The following MYRIP variants were observed in gnomAD, a reference collection of about 807,000 sequenced individuals.
MYRIP encodes rab effector MyRIP.
Under a neutral mutation model 98.0 loss-of-function variants are expected in MYRIP, and 49 were observed. That is an observed-to-expected ratio of 0.50 (90% confidence interval 0.40 to 0.63). The LOEUF is 0.63. Ranked by LOEUF, MYRIP falls within the 30% of genes least tolerant of loss-of-function variation. The pLI, the probability that MYRIP is intolerant of heterozygous loss-of-function variation, is 0.00. For missense variants in MYRIP, 1,004 were observed against 1,058.2 expected, an observed-to-expected ratio of 0.95 and a Z score of 0.71; for synonymous variants, 404 against 409.5, an observed-to-expected ratio of 0.99 and a Z score of 0.16.
At chr3:40,025,633 C>T (rs370521104) in intron 2 of MYRIP, among the ~76,000 whole-genome samples, 8 of 152,104 alleles carry the variant, frequency 5.3e-5, no homozygotes, top group South Asian at 2.1e-4. Context: ...CCCTAAGTGT[C>T]GGCTGGTCTG....
chr3:39,965,509 G>A (rs892597041), intron 2 of MYRIP, among the ~76,000 whole-genome samples: 6 of 152,072 alleles, frequency 3.9e-5, no homozygotes, highest in Non-Finnish European at 4.4e-5. Flanking sequence ...GATCTTCCTA[G>A]TAGATATTTT....
intron 11 of MYRIP, among the ~76,000 whole-genome samples, chr3:40,216,534 C>T (rs1280930618): frequency 1.3e-5 from 2 of 152,166 alleles, no homozygotes; most frequent in Admixed American, 1.3e-4. Context: ...CTAAATTCCA[C>T]AACATTAAGA....
intron 10 of MYRIP, among the ~76,000 whole-genome samples, chr3:40,203,982 TA>T (rs1951677830): frequency 1.2e-3 from 2 of 1,726 alleles, no homozygotes; most frequent in African/African-American, 3.1e-3. Context: ...ATATTATATA[TA>T]ATATATATTA....
intron 9 of MYRIP, among the ~76,000 whole-genome samples, chr3:40,188,297 G>C (rs1052637354): frequency 2.6e-5 from 4 of 152,186 alleles, no homozygotes; most frequent in Non-Finnish European, 4.4e-5. Context: ...TAGAAAACCT[G>C]TGTGTTTTAA....
intron 2 of MYRIP, among the ~76,000 whole-genome samples, chr3:39,974,358 T>A (rs1945686586): frequency 6.6e-6 from 1 of 152,196 alleles, no homozygotes; most frequent in Non-Finnish European, 1.5e-5. Context: ...CAGGAGGAAG[T>A]CGAATCTCTG....
chr3:39,953,252 A>C (rs1276610279), intron 2 of MYRIP, among the ~76,000 whole-genome samples: 3 of 152,122 alleles, frequency 2.0e-5, no homozygotes, highest in Non-Finnish European at 2.9e-5. Context: ...ACAGACTTCC[A>C]CTGAGGTTCA....
intron 2 of MYRIP, among the ~76,000 whole-genome samples, chr3:39,959,637 C>T (rs559587914): frequency 1.3e-5 from 2 of 150,586 alleles, no homozygotes; most frequent in African/African-American, 4.9e-5. Context: ...CAAACCTGTA[C>T]ATTGTGCACA....
chr3:40,080,316 A>G (rs1948446490), intron 3 of MYRIP, among the ~76,000 whole-genome samples: 1 of 152,092 alleles, frequency 6.6e-6, no homozygotes, highest in African/African-American at 2.4e-5. Context: ...CTCTGCTTAT[A>G]TTTATTAATA....
At chr3:39,926,110 T>C (rs971653932) in intron 2 of MYRIP, among the ~76,000 whole-genome samples, 1 of 152,144 alleles carries the variant, frequency 6.6e-6, no homozygotes, top group Non-Finnish European at 1.5e-5. Context: ...TTTTATATGC[T>C]TGTTGGTTGC....
chr3:39,949,384 T>G (rs938769999), intron 2 of MYRIP, among the ~76,000 whole-genome samples: 1 of 152,148 alleles, frequency 6.6e-6, no homozygotes, highest in African/African-American at 2.4e-5. Flanking sequence ...ACTCAGCCAC[T>G]TACTGTGTAA....
intron 3 of MYRIP, among the ~76,000 whole-genome samples, chr3:40,141,201 G>T (rs1160962873): frequency 6.6e-6 from 1 of 152,128 alleles, no homozygotes; most frequent in Non-Finnish European, 1.5e-5. Context: ...TTACAATGGA[G>T]TACTATTGTT....
At chr3:40,026,854 G>A (rs1351889597) in intron 2 of MYRIP, among the ~76,000 whole-genome samples, 1 of 152,092 alleles carries the variant, frequency 6.6e-6, no homozygotes, top group Non-Finnish European at 1.5e-5. Context: ...TTCCTCCTCA[G>A]TCCTTCTGTC....
At chr3:40,033,159 T>G (rs77159081) in intron 2 of MYRIP, among the ~76,000 whole-genome samples, 4,037 of 138,982 alleles carry the variant, frequency 0.029, 124 homozygotes, top group African/African-American at 0.074. Flanking sequence ...AAAACTGGCA[T>G]AAGACAGGGA....
At chr3:39,875,905 T>C (rs1289458732) in intron 1 of MYRIP, among the ~76,000 whole-genome samples, 1 of 152,014 alleles carries the variant, frequency 6.6e-6, no homozygotes, top group Non-Finnish European at 1.5e-5. Context: ...TTGTTGACTT[T>C]CTGTCTTGTT....
At chr3:40,141,438 G>A (rs1170493065) in intron 3 of MYRIP, among the ~76,000 whole-genome samples, 19 of 152,182 alleles carry the variant, frequency 1.2e-4, no homozygotes, top group Admixed American at 1.2e-3. Flanking sequence ...TTGTTGTGCA[G>A]AAGCTGTTAA....
At chr3:39,934,143 C>T (rs887590115) in intron 2 of MYRIP, among the ~76,000 whole-genome samples, 1 of 152,108 alleles carries the variant, frequency 6.6e-6, no homozygotes, top group African/African-American at 2.4e-5. Flanking sequence ...TATGACAGTA[C>T]TTAGTTCCTT....
At chr3:40,144,581 G>A (rs1224560677) in intron 3 of MYRIP, among the ~76,000 whole-genome samples, 1 of 152,254 alleles carries the variant, frequency 6.6e-6, no homozygotes, top group East Asian at 1.9e-4. Flanking sequence ...GCAGGGCAGT[G>A]TGTGGAAGGA....
intron 1 of MYRIP, among the ~76,000 whole-genome samples, chr3:39,822,213 G>T (rs1156300251): frequency 6.6e-6 from 1 of 152,024 alleles, no homozygotes; most frequent in Non-Finnish European, 1.5e-5. Flanking sequence ...CATATTTATG[G>T]TATGTAGTGA....
intron 3 of MYRIP, among the ~76,000 whole-genome samples, chr3:40,112,025 AT>A (rs1011225325): frequency 1.3e-5 from 2 of 152,060 alleles, no homozygotes; most frequent in African/African-American, 4.8e-5. Context: ...GTTACTTATT[AT>A]TAAGTATTGA....
Sources: gnomAD v4.1 joint callset for allele counts (sites outside exome capture counted in the v4.1 genomes callset) on GRCh38, gnomAD v4.1.1 for gene constraint, MANE v1.5 for transcripts, NCBI Gene and HGNC (gene_info 2026-07-23, HGNC 2026-07-21) for gene names.